Variants in SORD observed in about 807,000 individuals in gnomAD.
The protein encoded by SORD is sorbitol dehydrogenase, also known as (R,R)-butanediol dehydrogenase.
In SORD, 18 loss-of-function variants were observed where a neutral mutation model predicts 35.6. The observed-to-expected ratio is 0.51, with a 90% confidence interval of 0.35 to 0.75. The LOEUF (loss-of-function observed/expected upper bound fraction) is 0.75, where lower values mean the gene tolerates loss of function less well. SORD is among the 30% of genes least tolerant of loss of function. SORD has a pLI of 0.01. For synonymous variants in SORD, 106 were observed against 152.9 expected (o/e 0.69, Z 2.26); for missense variants, 250 against 390.2 (o/e 0.64, Z 3.03).
intron 8 of SORD, among the ~76,000 whole-genome samples, chr15:45,072,658 G>A (rs1465888017): frequency 1.4e-5 from 2 of 146,852 alleles, no homozygotes; most frequent in Non-Finnish European, 3.0e-5. Flanking sequence ...AGGGAAGGAG[G>A]GGATTTTGAA....
chr15:45,035,015 GTGCCGGCC>G, intron 1 of SORD, among the ~76,000 whole-genome samples: 1 of 152,254 alleles, frequency 6.6e-6, no homozygotes, highest in East Asian at 1.9e-4. Context: ...TCCCCCAGCA[GTGCCGGCC>G]CGCCGGCGCT....
intron 1 of SORD, among the ~76,000 whole-genome samples, chr15:45,038,448 G>C (rs1189906676): frequency 3.3e-5 from 5 of 152,182 alleles, no homozygotes; most frequent in Non-Finnish European, 7.3e-5. Context: ...ATGTCAGCTA[G>C]GCAGCAATAA....
chr15:45,050,766 T>G (rs1404193476), intron 3 of SORD: 2 of 152,224 alleles, frequency 1.3e-5, no homozygotes, highest in African/African-American at 4.8e-5. Context: ...CTAGAGAAAC[T>G]GGCAGAAAGA....
In SORD at chr15:45,047,934, T is replaced by C. The variant is rs541485766; in HGVS notation, c.265+4513T>C. Among the ~76,000 whole-genome samples, 65 of 152,204 alleles carry C rather than the reference T, an allele frequency of 4.3e-4. 1 individual carries two copies. Among genetic ancestry groups the C allele is most frequent in the Non-Finnish European group, 8.1e-4 (55 of 68,034 alleles). Reference sequence around the variant, plus strand: ...GATTCAGACGGAGTTTAAATCCAATTGTAACTTTGATGTGTAGCAATACCT... The same window carrying C: ...GATTCAGACGGAGTTTAAATCCAATCGTAACTTTGATGTGTAGCAATACCT... On this transcript the variant is annotated intron_variant, in intron 3 of 8. Transcript: ENST00000267814.
chr15:45,038,028 G>A (rs1457699295), intron 1 of SORD, among the ~76,000 whole-genome samples: 1 of 151,968 alleles, frequency 6.6e-6, no homozygotes, highest in Non-Finnish European at 1.5e-5. Flanking sequence ...CCTGATGTCT[G>A]ATGTGGGACC....
intron 6 of SORD, among the ~76,000 whole-genome samples, chr15:45,068,454 T>A (rs572706199): frequency 2.0e-5 from 3 of 150,620 alleles, no homozygotes; most frequent in South Asian, 2.1e-4. Context: ...AGAGAGTGTG[T>A]GTGTGTGTGT....
At chr15:45,037,339 GTGT>G (rs1254402408) in intron 1 of SORD, among the ~76,000 whole-genome samples, 2 of 152,214 alleles carry the variant, frequency 1.3e-5, no homozygotes, top group African/African-American at 4.8e-5. Flanking sequence ...ATTTACAGTA[GTGT>G]TCTCTCTAGT....
intron 8 of SORD, 32 bp from the exon 9 acceptor site, chr15:45,073,333 A>C: frequency 8.7e-7 from 1 of 1,152,084 alleles, no homozygotes; most frequent in South Asian, 1.6e-5. Flanking sequence ...TTCCTCTTGA[A>C]GGTTGAATAT....
rs1275103015 is a variant in SORD at position 45,044,451 on chromosome 15, C to T, written c.265+1030C>T. ...ATATGGAAACACTAGATGTCAGGCC[C>T]TTCATAAATACCAGCAGTTAGACAG... On this transcript the variant is annotated intron_variant, in intron 3 of 8. Coordinates refer to ENST00000267814, the MANE Select transcript of SORD (RefSeq NM_003104.6). Among the ~76,000 whole-genome samples, 4 of 151,278 alleles carry T rather than the reference C, an allele frequency of 2.6e-5. No homozygotes were observed. In the South Asian group the frequency reaches 8.5e-4, roughly 32 times the overall value.
intron 3 of SORD, among the ~76,000 whole-genome samples, chr15:45,057,216 T>C (rs932778208): frequency 3.3e-5 from 5 of 152,252 alleles, no homozygotes; most frequent in African/African-American, 1.2e-4. Context: ...TATTCATTAC[T>C]TATGTATATC....
At chr15:45,066,150 C>G (rs1893400920) in intron 5 of SORD, among the ~76,000 whole-genome samples, 1 of 144,224 alleles carries the variant, frequency 6.9e-6, no homozygotes, top group African/African-American at 2.6e-5. Context: ...AAGGCTGAGA[C>G]AGGAGAATCA....
chr15:45,072,257 G>T (rs1893523747), intron 7 of SORD, 60 bp from the exon 8 acceptor site: 3 of 433,362 alleles, frequency 6.9e-6, no homozygotes, highest in South Asian at 2.2e-5. Flanking sequence ...ATATGTTATT[G>T]TAAGTGGGAA....
Position 45,073,493 on chromosome 15 carries a change from T to C in SORD, c.1037T>C (p.Ile346Thr). The change falls in exon 9 of 9, where the codon ATC becomes ACC. Residue 346 changes from isoleucine (I) to threonine (T), a missense_variant. By Grantham distance (89) the Ile-to-Thr change is moderately conservative. Around this residue, in one of 8 missense-constraint regions of SORD, gnomAD observed 17 missense variants for 26.2 expected, o/e 0.65. Coordinates refer to ENST00000267814, the MANE Select transcript of SORD (RefSeq NM_003104.6). ...TTTAAAAAGGGATTGGGGTTGAAAA[T>C]CATGCTCAAGTGTGACCCCAGTGAC... Reference protein sequence around the residue: ...ETFKKGLGLKIMLKCDPSDQN... With the variant: ...ETFKKGLGLKTMLKCDPSDQN... 6.4e-7 allele frequency: 1 copy of C among 1,563,460 alleles called. No homozygotes were observed. Among genetic ancestry groups the C allele is most frequent in the Non-Finnish European group, 8.6e-7 (1 of 1,163,376 alleles).
intron 1 of SORD, among the ~76,000 whole-genome samples, chr15:45,039,027 G>T (rs572625482): frequency 6.6e-6 from 1 of 152,114 alleles, no homozygotes; most frequent in Non-Finnish European, 1.5e-5. Context: ...ATTTAACTTC[G>T]CAGCTTCGAA....
At chr15:45,071,163 G>A (rs1893506886) in intron 7 of SORD, among the ~76,000 whole-genome samples, 1 of 152,188 alleles carries the variant, frequency 6.6e-6, no homozygotes, top group African/African-American at 2.4e-5. Context: ...CATACCTACA[G>A]GATAGTGTCC....
chr15:45,053,812 A>C, intron 3 of SORD, among the ~76,000 whole-genome samples: 1 of 133,076 alleles, frequency 7.5e-6, no homozygotes. Context: ...ACCCCACCAC[A>C]GTCCCCAGAG....
At chr15:45,045,628 CTG>C (rs1333711857) in intron 3 of SORD, among the ~76,000 whole-genome samples, 1 of 150,380 alleles carries the variant, frequency 6.6e-6, no homozygotes, top group Non-Finnish European at 1.5e-5. Context: ...ACAGATAAGT[CTG>C]TGCTACTCAG....
At chr15:45,058,018 T>C (rs1307660170) in intron 3 of SORD, among the ~76,000 whole-genome samples, 1 of 152,252 alleles carries the variant, frequency 6.6e-6, no homozygotes, top group African/African-American at 2.4e-5. Flanking sequence ...GTTACTTTCC[T>C]GGTTACTAAG....
chr15:45,030,338 C>T (rs1892756158), intron 1 of SORD, among the ~76,000 whole-genome samples: 2 of 152,142 alleles, frequency 1.3e-5, no homozygotes, highest in African/African-American at 4.8e-5. Flanking sequence ...CTCTTTAAAA[C>T]TGCACAACAG....
Sources: gnomAD v4.1 joint callset for allele counts (sites outside exome capture counted in the v4.1 genomes callset) on GRCh38, gnomAD v4.1.1 for gene constraint, gnomAD v4.1.1 regional missense constraint, MANE v1.5 for transcripts, NCBI Gene and HGNC (gene_info 2026-07-23, HGNC 2026-07-21) for gene names.